The following RXFP1 variants were observed in gnomAD, a reference collection of about 807,000 sequenced individuals.
RXFP1 encodes the protein relaxin receptor 1.
A neutral mutation model predicts 89.8 loss-of-function variants in RXFP1; 73 were observed. The ratio of observed to expected loss-of-function variants is 0.81; its 90% CI spans 0.67 to 0.99. The LOEUF is 0.99. Among genes scored for constraint, RXFP1 ranks in the 50% least tolerant of loss-of-function variants. RXFP1 has a pLI of 0.00. For synonymous variants in RXFP1, 277 were observed against 305.5 expected (o/e 0.91, Z 0.97); for missense variants, 793 against 895.5 (o/e 0.89, Z 1.46).
intron 1 of RXFP1, among the ~76,000 whole-genome samples, chr4:158,561,626 C>CTTT (rs70962615): frequency 1.9e-4 from 21 of 112,614 alleles, no homozygotes; most frequent in African/African-American, 3.6e-4. Context: ...TTCTTTTTTT[C>CTTT]TTTTTTTTTT....
intron 3 of RXFP1, among the ~76,000 whole-genome samples, chr4:158,598,465 G>A (rs1282674488): frequency 6.6e-6 from 1 of 152,056 alleles, no homozygotes; most frequent in African/African-American, 2.4e-5. Context: ...GTCAATATGG[G>A]GAGAAAACGT....
At chr4:158,616,071 CA>C (rs1354867242) in intron 8 of RXFP1, among the ~76,000 whole-genome samples, 2 of 152,176 alleles carry the variant, frequency 1.3e-5, no homozygotes, top group African/African-American at 4.8e-5. Flanking sequence ...AAGGTTGCCA[CA>C]AACCTTCAAT....
At chr4:158,606,435 A>G (rs1332594668) in intron 5 of RXFP1, among the ~76,000 whole-genome samples, 1 of 152,222 alleles carries the variant, frequency 6.6e-6, no homozygotes, top group Non-Finnish European at 1.5e-5. Flanking sequence ...TTGGTTATTA[A>G]AAGTCTATAC....
intron 11 of RXFP1, among the ~76,000 whole-genome samples, chr4:158,630,908 A>G (rs995137849): frequency 6.6e-6 from 1 of 152,236 alleles, no homozygotes; most frequent in African/African-American, 2.4e-5. Context: ...CACTTGTCAC[A>G]GAGGACTTTA....
At chr4:158,594,780 T>C (rs184069667) in intron 3 of RXFP1, among the ~76,000 whole-genome samples, 321 of 152,276 alleles carry the variant, frequency 2.1e-3, no homozygotes, top group African/African-American at 7.4e-3. Context: ...TTTAGTTTTT[T>C]AGCTAACAAT....
chr4:158,533,487 C>T (rs1476310712), intron 1 of RXFP1, among the ~76,000 whole-genome samples: 2 of 152,120 alleles, frequency 1.3e-5, no homozygotes, highest in African/African-American at 4.8e-5. Context: ...ATTTGCAAAT[C>T]ATATCATATC....
At chr4:158,571,824 G>A (rs370293950) in intron 1 of RXFP1, among the ~76,000 whole-genome samples, 1 of 152,298 alleles carries the variant, frequency 6.6e-6, no homozygotes, top group South Asian at 2.1e-4. Flanking sequence ...GTATGTAAAT[G>A]TCAGCAGCTG....
rs192913020 is a variant in RXFP1, at chr4:158,566,664, C to T, written c.50-6034C>T. ...CAGGCATAAGCCACCACACCCGGCC[C>T]AAAAGTTACTTTTAAAATATCACTT... On this transcript the variant is annotated intron_variant, in intron 1 of 17. Transcript: ENST00000307765. Among the ~76,000 whole-genome samples, 242 of 152,318 alleles carry T rather than the reference C, an allele frequency of 1.6e-3. 1 individual carries two copies. Among genetic ancestry groups the T allele is most frequent in the South Asian group, 3.5e-3 (17 of 4,828 alleles).
At chr4:158,576,228 G>A (rs2150009949) in intron 2 of RXFP1, among the ~76,000 whole-genome samples, 1 of 152,196 alleles carries the variant, frequency 6.6e-6, no homozygotes, top group African/African-American at 2.4e-5. Flanking sequence ...AAGTAGTCCT[G>A]AGACCAAATT....
intron 9 of RXFP1, among the ~76,000 whole-genome samples, chr4:158,620,051 CCAAA>C (rs1483245033): frequency 2.0e-5 from 3 of 152,054 alleles, no homozygotes; most frequent in Non-Finnish European, 4.4e-5. Flanking sequence ...TTTACAACTT[CCAAA>C]CAGAGACATT....
rs558075615 is a variant in RXFP1, at chr4:158,630,556, T to A, written c.899+1847T>A. Among the ~76,000 whole-genome samples the A allele has an allele frequency of 2.6e-5, 4 of 152,276 alleles. No individual in the cohort carries two copies. The East Asian group carries it at 7.7e-4, about 29-fold the overall frequency. On this transcript the variant is annotated intron_variant, in intron 11 of 17. Coordinates refer to ENST00000307765, the MANE Select transcript of RXFP1 (RefSeq NM_021634.4). ...GGCAGTCAGGTGCAGATTTTATATA[T>A]CAATAACCAACAGTGAACATGAACT...
chr4:158,603,135 A>C (rs1761996183), intron 4 of RXFP1, among the ~76,000 whole-genome samples: 1 of 151,984 alleles, frequency 6.6e-6, no homozygotes, highest in Non-Finnish European at 1.5e-5. Flanking sequence ...GTGGGGGGGC[A>C]GTCTCACTAT....
intron 6 of RXFP1, among the ~76,000 whole-genome samples, chr4:158,611,694 A>G (rs576203548): frequency 6.6e-6 from 1 of 152,190 alleles, no homozygotes; most frequent in South Asian, 2.1e-4. Flanking sequence ...TCATTCCTCC[A>G]CACTCTGCAG....
At chr4:158,624,324 G>C (rs1161937236) in intron 9 of RXFP1, among the ~76,000 whole-genome samples, 1 of 152,138 alleles carries the variant, frequency 6.6e-6, no homozygotes, top group South Asian at 2.1e-4. Flanking sequence ...CTGTGAAATA[G>C]GAGCCAGAAA....
chr4:158,645,405 G>C (rs138336660), intron 15 of RXFP1, among the ~76,000 whole-genome samples: 351 of 152,240 alleles, frequency 2.3e-3, no homozygotes, highest in African/African-American at 8.1e-3. Context: ...GGCTCCGAAG[G>C]CACAATATTT....
chr4:158,555,380 T>C (rs1751050313), intron 1 of RXFP1, among the ~76,000 whole-genome samples: 1 of 152,178 alleles, frequency 6.6e-6, no homozygotes, highest in Non-Finnish European at 1.5e-5. Context: ...CTCCCAAAAA[T>C]GATAACCAGC....
intron 1 of RXFP1, among the ~76,000 whole-genome samples, chr4:158,538,317 A>G (rs1745747783): frequency 6.6e-6 from 1 of 152,200 alleles, no homozygotes; most frequent in African/African-American, 2.4e-5. Flanking sequence ...TCCAAGTGAG[A>G]GACAGCTGCA....
intron 17 of RXFP1, among the ~76,000 whole-genome samples, chr4:158,649,806 A>C (rs1487227525): frequency 2.6e-5 from 4 of 152,222 alleles, no homozygotes; most frequent in African/African-American, 9.6e-5. Context: ...TCCCTCAAAA[A>C]TTTAAACCAT....
intron 6 of RXFP1, among the ~76,000 whole-genome samples, chr4:158,608,781 T>C (rs1323170262): frequency 1.3e-5 from 2 of 152,146 alleles, no homozygotes; most frequent in Non-Finnish European, 2.9e-5. Context: ...ATTCCTCATA[T>C]CTGTCTCTCC....
Sources: allele counts gnomAD v4.1 joint callset (sites outside exome capture counted in the v4.1 genomes callset), GRCh38; gene constraint gnomAD v4.1.1; transcripts MANE v1.5; gene names NCBI Gene and HGNC (gene_info 2026-07-23, HGNC 2026-07-21).